Variants in KIF20B observed in about 807,000 individuals in gnomAD.
KIF20B encodes the protein kinesin family member 20B, also known as kinesin-like protein KIF20B.
Under a neutral mutation model 232.5 loss-of-function variants are expected in KIF20B, and 188 were observed. That is an observed-to-expected ratio of 0.81 (90% CI 0.72 to 0.91). The LOEUF (loss-of-function observed/expected upper bound fraction) is 0.91. Ranked by LOEUF, KIF20B falls within the 40% of genes least tolerant of loss-of-function variation. The pLI is 0.00. For missense variants in KIF20B, 2,154 were observed against 2,055.9 expected (o/e 1.05, Z -0.92); for synonymous variants, 712 against 683.0 (o/e 1.04, Z -0.66).
intron 6 of KIF20B, among the ~76,000 whole-genome samples, chr10:89,712,431 T>A (rs1032780718): frequency 7.2e-5 from 11 of 152,104 alleles, no homozygotes; most frequent in African/African-American, 2.7e-4. Flanking sequence ...GTTTTGATTT[T>A]TTTTGTAGAA....
At chr10:89,763,338 AAAAGATATAG>A (rs1842284770) in intron 29 of KIF20B, among the ~76,000 whole-genome samples, 1 of 152,164 alleles carries the variant, frequency 6.6e-6, no homozygotes, top group Non-Finnish European at 1.5e-5. Flanking sequence ...TATGTATATT[AAAAGATATAG>A]CGTCCTTGCT....
chr10:89,738,635 C>A lies in KIF20B; in HGVS notation c.3776+18C>A. Reference sequence around the variant, plus strand: ...ACAGAAAAGTAAGCTAAATGTTATTCAAAATATTTTAAAATACACAAAGCA... The same window carrying A: ...ACAGAAAAGTAAGCTAAATGTTATTAAAAATATTTTAAAATACACAAAGCA... On this transcript the variant is annotated intron_variant, in intron 20 of 32. Coordinates refer to ENST00000371728, the MANE Select transcript of KIF20B (RefSeq NM_001284259.2). The A allele has an allele frequency of 6.6e-7, 1 of 1,525,816 alleles. No homozygotes were observed. Among genetic ancestry groups the A allele is most frequent in the South Asian group, 1.3e-5 (1 of 75,264 alleles). 94.5% of individuals were successfully genotyped at this position (1,525,816 alleles called of 1,614,324 possible). A position where few individuals can be genotyped will look rare whatever the true frequency, so the allele number is the denominator to read the frequency against.
chr10:89,743,998 A>T, intron 22 of KIF20B, 71 bp downstream of exon 22: 3 of 1,328,344 alleles, frequency 2.3e-6, no homozygotes, highest in Non-Finnish European at 3.0e-6. Flanking sequence ...AAAAAGGTAC[A>T]AATTTGTTTT....
intron 29 of KIF20B, among the ~76,000 whole-genome samples, chr10:89,765,366 C>CTG (rs1229696559): frequency 6.6e-6 from 1 of 152,152 alleles, no homozygotes; most frequent in African/African-American, 2.4e-5. Context: ...CTACAAACCA[C>CTG]TGCTCAATGA....
At chr10:89,746,588 G>T (rs572489122) in intron 23 of KIF20B, among the ~76,000 whole-genome samples, 45 of 152,308 alleles carry the variant, frequency 3.0e-4, no homozygotes, top group African/African-American at 9.9e-4. Flanking sequence ...CAGGATGGGG[G>T]CGTGGCAGGC....
chr10:89,736,390 AC>A (rs746747351), intron 19 of KIF20B, among the ~76,000 whole-genome samples: 161 of 152,260 alleles, frequency 1.1e-3, no homozygotes, highest in Non-Finnish European at 1.9e-3. Context: ...TATAATTTAT[AC>A]TGGGCACTTA....
chr10:89,708,276 A>G (rs1842767565), intron 2 of KIF20B, among the ~76,000 whole-genome samples: 1 of 150,794 alleles, frequency 6.6e-6, no homozygotes, highest in African/African-American at 2.4e-5. Context: ...CAATGGCGCC[A>G]TCTTGGCTCA....
chr10:89,748,574 G>T (rs1039548467), intron 23 of KIF20B, among the ~76,000 whole-genome samples: 5 of 152,132 alleles, frequency 3.3e-5, no homozygotes, highest in African/African-American at 4.8e-5. Flanking sequence ...GGGTAACTTG[G>T]ATGTGAAAAT....
In KIF20B at chr10:89,743,821, G is replaced by T; in HGVS notation, c.3929G>T (p.Arg1310Leu). ...KQVQKEVSVM[R>L]DEDKLLRIKI... ...ATTATTTTGTAGGTATCTGTAATGC[G>T]TGATGAGGATAAATTACTGAGGATT... is the stretch of plus-strand genomic sequence containing the variant. The change falls in exon 22 of 33, where the codon CGT becomes CTT. Residue 1310 changes from arginine (R) to leucine (L), a missense_variant. Transcript: ENST00000371728. The T allele has an allele frequency of 6.7e-7, 1 of 1,488,058 alleles. No individual in the cohort carries two copies. The highest frequency in any genetic ancestry group is 9.1e-7 in the Non-Finnish European group (1 of 1,093,262). 92.2% of individuals were successfully genotyped at this position (1,488,058 alleles called of 1,614,324 possible).
At chr10:89,751,530 C>T (rs1842023104) in intron 24 of KIF20B, 59 bp downstream of exon 24, 2 of 1,500,628 alleles carry the variant, frequency 1.3e-6, no homozygotes, top group Non-Finnish European at 1.8e-6. Context: ...AAAAAATTTC[C>T]TAGATTTCTT....
chr10:89,757,040 G>GTATGTATATATATATATATATA (rs1554852904), intron 26 of KIF20B, among the ~76,000 whole-genome samples: 74 of 110,738 alleles, frequency 6.7e-4, no homozygotes, highest in Admixed American at 1.1e-3. Context: ...GTGTGTGTGT[G>GTATGTATATATATATATATATA]TATATATATA....
At chr10:89,747,242 G>T (rs1436021166) in intron 23 of KIF20B, among the ~76,000 whole-genome samples, 1 of 152,100 alleles carries the variant, frequency 6.6e-6, no homozygotes, top group Non-Finnish European at 1.5e-5. Flanking sequence ...AACAACAGGT[G>T]CTGGAGAGGA....
intron 13 of KIF20B, 107 bp from the exon 14 acceptor site, chr10:89,723,857 A>C (rs1361039937): frequency 1.4e-5 from 13 of 925,028 alleles, no homozygotes; most frequent in Non-Finnish European, 1.8e-5. Context: ...AAGGACACAG[A>C]ATTACAATTG....
At position 89,717,649 on chromosome 10, in the gene KIF20B, A is replaced by T; in HGVS notation, c.1198A>T (p.Thr400Ser). 6.2e-7 allele frequency: 1 copy of T among 1,610,238 alleles called. No homozygotes were observed. Among genetic ancestry groups the T allele is most frequent in the Non-Finnish European group, 8.5e-7 (1 of 1,177,072 alleles). The change falls in exon 11 of 33, where the codon ACT (threonine) becomes TCT (serine). Residue 400 changes from threonine (T) to serine (S), a missense_variant. Thr to Ser is a moderately conservative substitution (Grantham distance 58, BLOSUM62 1). Transcript: ENST00000371728. ...TQNEGERLRE[T>S]GNINTSLLTL... ...GAATGAAGGTGAAAGGTTAAGAGAG[A>T]CTGGGAATATCAACACTTCTTTATT...
At chr10:89,710,279 T>G (rs1842810745) in intron 5 of KIF20B, among the ~76,000 whole-genome samples, 1 of 149,232 alleles carries the variant, frequency 6.7e-6, no homozygotes. Flanking sequence ...TGGAGTGCAG[T>G]GGTGTGATCT....
At position 89,737,423 on chromosome 10, in the gene KIF20B, A is replaced by C. The variant is rs1280489945; in HGVS notation, c.2582A>C (p.Gln861Pro). 6.3e-7 allele frequency: 1 copy of C among 1,591,192 alleles called. No homozygotes were observed. The highest frequency in any genetic ancestry group is 8.5e-7 in the Non-Finnish European group (1 of 1,173,898). Residue 861 changes from glutamine (Q) to proline (P), a missense_variant, in exon 20 of 33, where the codon CAA (glutamine) becomes CCA (proline). Physicochemically the swap from Gln to Pro is moderately conservative, Grantham distance 76. Coordinates refer to ENST00000371728, the MANE Select transcript of KIF20B (RefSeq NM_001284259.2). The stretch of plus-strand genomic sequence containing the variant: ...GTTAGTTCAGCTATCACTGAAGACC[A>C]AAAGAAAAGTGAAGAAGTGCGACCG... ...IHVSSAITED[Q>P]KKSEEVRPNI...
intron 8 of KIF20B, among the ~76,000 whole-genome samples, chr10:89,716,023 A>AT (rs71306848): frequency 6.6e-6 from 1 of 151,840 alleles, no homozygotes; most frequent in Admixed American, 6.6e-5. Context: ...AAATAAATAA[A>AT]AATTAAAATA....
intron 18 of KIF20B, among the ~76,000 whole-genome samples, chr10:89,731,572 C>T (rs1843320101): frequency 6.6e-6 from 1 of 152,152 alleles, no homozygotes; most frequent in South Asian, 2.1e-4. Flanking sequence ...TTTGCTTTTT[C>T]TACCCAAGCA....
intron 17 of KIF20B, among the ~76,000 whole-genome samples, chr10:89,728,905 T>TTGTGTGTGTGTGTGTGTGTGTG (rs71022581): frequency 7.2e-6 from 1 of 138,024 alleles, no homozygotes; most frequent in Non-Finnish European, 1.5e-5. Flanking sequence ...TCTTTTTTCT[T>TTGTGTGTGTGTGTGTGTGTGTG]TGTGTGTGTG....
Sources: allele counts gnomAD v4.1 joint callset (sites outside exome capture counted in the v4.1 genomes callset), GRCh38; gene constraint gnomAD v4.1.1; transcripts MANE v1.5; gene names NCBI Gene and HGNC (gene_info 2026-07-23, HGNC 2026-07-21).